Variants in JAZF1 observed in about 807,000 individuals in gnomAD.
The protein encoded by JAZF1 is juxtaposed with another zinc finger protein 1.
In JAZF1, 8 loss-of-function variants were observed where a neutral mutation model predicts 26.4. That is an observed-to-expected ratio of 0.30 (90% CI 0.18 to 0.55). The LOEUF is 0.55. Among genes scored for constraint, JAZF1 ranks in the 20% least tolerant of loss-of-function variants. JAZF1 has a pLI of 0.94. For missense variants in JAZF1, 199 were observed against 322.0 expected (o/e 0.62, Z 2.92); for synonymous variants, 126 against 122.3 (o/e 1.03, Z -0.20).
intron 1 of JAZF1, among the ~76,000 whole-genome samples, chr7:28,046,016 TCTCCCACTACAC>T (rs1466061095): frequency 7.2e-5 from 11 of 152,204 alleles, no homozygotes; most frequent in Non-Finnish European, 1.5e-4. Context: ...GTATCCTTAA[TCTCCCACTACAC>T]CTCCCTAGGT....
Position 28,030,944 on chromosome 7 carries a change from C to T in JAZF1, c.116-38963G>A, listed in dbSNP as rs560139856. ...AGATAAATACATTCATCATTTTCAT[C>T]CTTGTGTCATTATTCATACCAACAA... On this transcript the variant is annotated intron_variant, in intron 1 of 4. Coordinates refer to ENST00000283928, the MANE Select transcript of JAZF1 (RefSeq NM_175061.4). Among the ~76,000 whole-genome samples, 95 of 152,256 alleles carry T rather than the reference C, an allele frequency of 6.2e-4. 1 individual carries two copies. Among genetic ancestry groups the T allele is most frequent in the Middle Eastern group, 3.4e-3 (1 of 294 alleles).
intron 1 of JAZF1, among the ~76,000 whole-genome samples, chr7:28,004,500 A>C (rs566767222): frequency 5.6e-4 from 86 of 152,344 alleles, no homozygotes; most frequent in African/African-American, 2.0e-3. Flanking sequence ...AAGGCTCAGA[A>C]ACTGGAAAAG....
chr7:28,102,597 T>TC (rs1784490492), intron 1 of JAZF1, among the ~76,000 whole-genome samples: 1 of 28,470 alleles, frequency 3.5e-5, no homozygotes, highest in East Asian at 0.011. Context: ...ATTCATTTTT[T>TC]GAAAAAAAAT....
intron 1 of JAZF1, among the ~76,000 whole-genome samples, chr7:28,035,603 G>A (rs1421009847): frequency 6.6e-6 from 1 of 152,092 alleles, no homozygotes; most frequent in East Asian, 1.9e-4. Flanking sequence ...GATGATTGTG[G>A]TTCCTTGCTT....
chr7:28,071,644 G>C lies in JAZF1; in HGVS notation c.116-79663C>G, dbSNP rs1349522708. On this transcript the variant is annotated intron_variant, in intron 1 of 4. Transcript: ENST00000283928. ...ATTTGCCACCCACATACAGACCCAAGGACGGACCTTCTATCCAGTGACGGC... is the reference window on the plus strand; with the variant it reads ...ATTTGCCACCCACATACAGACCCAACGACGGACCTTCTATCCAGTGACGGC... 3.8e-5 allele frequency: 18 copies of C among 471,558 alleles called. No individual in the cohort carries two copies. In the East Asian group the frequency reaches 1.2e-3, roughly 33 times the overall value. The allele number at this position is 471,558 out of a possible 1,614,324, so 29.2% of individuals were successfully genotyped here.
intron 1 of JAZF1, among the ~76,000 whole-genome samples, chr7:28,003,028 C>T (rs1782632185): frequency 1.3e-5 from 2 of 152,124 alleles, no homozygotes; most frequent in Admixed American, 6.5e-5. Flanking sequence ...TGAGCACCTC[C>T]AGCCTTCTTT....
intron 3 of JAZF1, among the ~76,000 whole-genome samples, chr7:27,887,169 A>T (rs1400274085): frequency 6.6e-6 from 1 of 152,118 alleles, no homozygotes; most frequent in East Asian, 1.9e-4. Flanking sequence ...AAAATAATTA[A>T]TGGGTACTAG....
chr7:27,950,426 T>C (rs1003204829), intron 2 of JAZF1, among the ~76,000 whole-genome samples: 3 of 152,174 alleles, frequency 2.0e-5, no homozygotes, highest in African/African-American at 4.8e-5. Context: ...CCAAGAGGGA[T>C]TGGGATCATC....
chr7:27,987,823 C>T (rs544043738), intron 2 of JAZF1, among the ~76,000 whole-genome samples: 121 of 152,348 alleles, frequency 7.9e-4, no homozygotes, highest in African/African-American at 2.6e-3. Flanking sequence ...CCATAGGAGA[C>T]TCCATTTTGT....
At chr7:27,920,156 C>T (rs1784504744) in intron 2 of JAZF1, among the ~76,000 whole-genome samples, 1 of 152,152 alleles carries the variant, frequency 6.6e-6, no homozygotes, top group Non-Finnish European at 1.5e-5. Context: ...CCTTAGCGTT[C>T]CTTAAAACTT....
intron 2 of JAZF1, among the ~76,000 whole-genome samples, chr7:27,924,317 C>T (rs907138882): frequency 6.6e-6 from 1 of 152,168 alleles, no homozygotes; most frequent in Non-Finnish European, 1.5e-5. Flanking sequence ...ACCTCATGAT[C>T]CACCCGCCTC....
chr7:28,135,637 T>A (rs1398144535), intron 1 of JAZF1, among the ~76,000 whole-genome samples: 2 of 152,030 alleles, frequency 1.3e-5, no homozygotes, highest in Non-Finnish European at 2.9e-5. Context: ...GGAGAAGAAG[T>A]TTTCAAGGGC....
chr7:27,835,627 A>G (rs1206811721), intron 4 of JAZF1, among the ~76,000 whole-genome samples: 1 of 152,208 alleles, frequency 6.6e-6, no homozygotes, highest in East Asian at 1.9e-4. Flanking sequence ...AAATGTTGAC[A>G]AGCGTCAGTG....
intron 4 of JAZF1, among the ~76,000 whole-genome samples, chr7:27,833,964 T>C (rs571999419): frequency 6.6e-6 from 1 of 152,254 alleles, no homozygotes; most frequent in South Asian, 2.1e-4. Flanking sequence ...AAGTCAGCAA[T>C]TGCCAGATTA....
At chr7:28,087,317 A>T in intron 1 of JAZF1, among the ~76,000 whole-genome samples, 1 of 151,280 alleles carries the variant, frequency 6.6e-6, no homozygotes, top group Non-Finnish European at 1.5e-5. Context: ...CCCCTTTAGA[A>T]GTAAAAAAAA....
intron 1 of JAZF1, among the ~76,000 whole-genome samples, chr7:28,176,112 T>A (rs1417079386): frequency 6.6e-6 from 1 of 152,174 alleles, no homozygotes; most frequent in African/African-American, 2.4e-5. Context: ...AACTAACAAG[T>A]AGAGACTCAC....
At chr7:27,951,353 T>C (rs1335664416) in intron 2 of JAZF1, among the ~76,000 whole-genome samples, 2 of 152,196 alleles carry the variant, frequency 1.3e-5, no homozygotes, top group African/African-American at 4.8e-5. Flanking sequence ...AACAGTACTA[T>C]TACCTTAAGA....
intron 1 of JAZF1, among the ~76,000 whole-genome samples, chr7:28,067,451 G>T (rs962420544): frequency 3.3e-5 from 5 of 152,130 alleles, no homozygotes; most frequent in Non-Finnish European, 7.3e-5. Flanking sequence ...AACTAAAGAG[G>T]TGACCACACA....
chr7:27,872,979 A>C (rs1047768735), intron 3 of JAZF1, among the ~76,000 whole-genome samples: 2 of 152,210 alleles, frequency 1.3e-5, no homozygotes, highest in African/African-American at 4.8e-5. Flanking sequence ...TACACTTTAC[A>C]GCTGTGTAAA....
Sources: allele counts gnomAD v4.1 joint callset (sites outside exome capture counted in the v4.1 genomes callset), GRCh38; gene constraint gnomAD v4.1.1; transcripts MANE v1.5; gene names NCBI Gene and HGNC (gene_info 2026-07-23, HGNC 2026-07-21).